The following SPIDR variants were observed in gnomAD, a reference collection of about 807,000 sequenced individuals.
SPIDR encodes scaffold protein involved in DNA repair, also known as DNA repair-scaffolding protein.
SPIDR carries 93 observed loss-of-function variants against 104.6 expected under a neutral mutation model. That is an observed-to-expected ratio of 0.89 (90% CI 0.75 to 1.06). The LOEUF (loss-of-function observed/expected upper bound fraction) is 1.06, where lower values mean the gene tolerates loss of function less well. Among genes scored for constraint, SPIDR ranks in the 50% least tolerant of loss-of-function variants. The pLI is 0.00. For missense variants in SPIDR, 1,154 were observed against 1,111.2 expected (o/e 1.04, Z -0.55); for synonymous variants, 431 against 416.9 (o/e 1.03, Z -0.41).
intron 8 of SPIDR, among the ~76,000 whole-genome samples, chr8:47,492,071 G>A (rs1202318131): frequency 1.3e-5 from 2 of 151,664 alleles, no homozygotes; most frequent in East Asian, 3.9e-4. Context: ...AACCTGAAAA[G>A]AGAAGCCTGC....
chr8:47,718,129 C>T (rs1394797083), intron 16 of SPIDR, among the ~76,000 whole-genome samples: 1 of 152,204 alleles, frequency 6.6e-6, no homozygotes, highest in African/African-American at 2.4e-5. Flanking sequence ...TAGCCGGGAT[C>T]TGTGCTTTTA....
intron 8 of SPIDR, among the ~76,000 whole-genome samples, chr8:47,471,338 A>C (rs1459534335): frequency 5.3e-5 from 8 of 152,182 alleles, no homozygotes; most frequent in African/African-American, 9.6e-5. Context: ...AAAAAAAAAA[A>C]AAAACAGCCC....
At chr8:47,571,615 CATT>C (rs1297881620) in intron 8 of SPIDR, among the ~76,000 whole-genome samples, 1 of 152,032 alleles carries the variant, frequency 6.6e-6, no homozygotes, top group East Asian at 1.9e-4. Flanking sequence ...GCATAATTGC[CATT>C]ATTAAACATT....
chr8:47,576,804 C>G (rs2059181639), intron 8 of SPIDR, among the ~76,000 whole-genome samples: 2 of 152,142 alleles, frequency 1.3e-5, no homozygotes, highest in South Asian at 4.1e-4. Flanking sequence ...TTAAAATGCT[C>G]TAATATAAAT....
chr8:47,315,216 C>G (rs1365418671), intron 5 of SPIDR, among the ~76,000 whole-genome samples: 1 of 151,924 alleles, frequency 6.6e-6, no homozygotes, highest in Non-Finnish European at 1.5e-5. Context: ...GCCACCTTGA[C>G]CTAACTGACA....
At chr8:47,505,534 C>T (rs1430096185) in intron 8 of SPIDR, among the ~76,000 whole-genome samples, 1 of 152,198 alleles carries the variant, frequency 6.6e-6, no homozygotes, top group Non-Finnish European at 1.5e-5. Context: ...TGCCATCTGT[C>T]ACCCCTTTCT....
At chr8:47,457,819 G>C (rs1554710732) in intron 8 of SPIDR, among the ~76,000 whole-genome samples, 2 of 152,102 alleles carry the variant, frequency 1.3e-5, no homozygotes. Flanking sequence ...TGGCTTGCCA[G>C]TTTCCCCAGC....
chr8:47,273,921 A>G (rs2035840899), intron 1 of SPIDR, among the ~76,000 whole-genome samples: 1 of 152,154 alleles, frequency 6.6e-6, no homozygotes, highest in Non-Finnish European at 1.5e-5. Context: ...CTTGATCTCC[A>G]GCCTCCTCCT....
intron 10 of SPIDR, among the ~76,000 whole-genome samples, chr8:47,629,771 G>A: frequency 6.6e-6 from 1 of 152,178 alleles, no homozygotes; most frequent in Admixed American, 6.5e-5. Context: ...GAAACTTTAT[G>A]TATAAAAATC....
chr8:47,274,088 A>G (rs1240499883), intron 1 of SPIDR, among the ~76,000 whole-genome samples: 13 of 152,226 alleles, frequency 8.5e-5, no homozygotes, highest in South Asian at 2.1e-4. Flanking sequence ...GGAATTCTTT[A>G]TAAATAACAA....
At chr8:47,411,097 G>A (rs1443458144) in intron 7 of SPIDR, among the ~76,000 whole-genome samples, 2 of 152,112 alleles carry the variant, frequency 1.3e-5, no homozygotes, top group African/African-American at 4.8e-5. Flanking sequence ...CTTTGCTATT[G>A]TGAATAGTGC....
At chr8:47,321,960 A>T (rs1422351814) in intron 5 of SPIDR, among the ~76,000 whole-genome samples, 2 of 152,202 alleles carry the variant, frequency 1.3e-5, no homozygotes, top group Non-Finnish European at 2.9e-5. Flanking sequence ...TGGATTAAAG[A>T]CTTAAATGTT....
At chr8:47,408,797 A>G (rs1554669099) in intron 7 of SPIDR, among the ~76,000 whole-genome samples, 1 of 152,260 alleles carries the variant, frequency 6.6e-6, no homozygotes. Context: ...TTGCATTTCC[A>G]TATAGTAACA....
intron 8 of SPIDR, among the ~76,000 whole-genome samples, chr8:47,463,215 G>T (rs1283691587): frequency 2.0e-5 from 3 of 151,892 alleles, no homozygotes; most frequent in East Asian, 3.9e-4. Context: ...AAAAAAATTA[G>T]CTGGGCATGG....
At chr8:47,549,096 G>A (rs904283505) in intron 8 of SPIDR, among the ~76,000 whole-genome samples, 1 of 152,174 alleles carries the variant, frequency 6.6e-6, no homozygotes, top group Non-Finnish European at 1.5e-5. Context: ...CAAAGGACAT[G>A]AACTCATCCT....
intron 10 of SPIDR, among the ~76,000 whole-genome samples, chr8:47,658,439 A>T (rs553337071): frequency 1.3e-5 from 2 of 151,860 alleles, no homozygotes; most frequent in Non-Finnish European, 2.9e-5. Context: ...AAATAGTTCG[A>T]TATTCACCGG....
chr8:47,320,291 A>T (rs2046298991), intron 5 of SPIDR, among the ~76,000 whole-genome samples: 1 of 152,248 alleles, frequency 6.6e-6, no homozygotes, highest in African/African-American at 2.4e-5. Flanking sequence ...ACAGAAATAC[A>T]AACTACCATC....
At chr8:47,463,165 T>C (rs1235231352) in intron 8 of SPIDR, among the ~76,000 whole-genome samples, 1 of 152,016 alleles carries the variant, frequency 6.6e-6, no homozygotes, top group African/African-American at 2.4e-5. Context: ...AAGACCATCC[T>C]GGCTAACATG....
chr8:47,599,010 A>G lies in SPIDR; in HGVS notation c.1358A>G (p.Gln453Arg). ...AWTHGHKEAK[Q>R]RIPTSTPLRD... ...ACCCATGGGCACAAAGAAGCAAAAC[A>G]GCGCATCCCAACCAGCACTCCCCTG... The change falls in exon 10 of 20, where the codon CAG becomes CGG. Residue 453 changes from glutamine (Q) to arginine (R), a missense_variant. Transcript: ENST00000297423. 6.2e-7 allele frequency: 1 copy of G among 1,613,678 alleles called. No homozygotes were observed. The highest frequency in any genetic ancestry group is 8.5e-7 in the Non-Finnish European group (1 of 1,179,776).
Sources: gnomAD v4.1 joint callset for allele counts (sites outside exome capture counted in the v4.1 genomes callset) on GRCh38, gnomAD v4.1.1 for gene constraint, MANE v1.5 for transcripts, NCBI Gene and HGNC (gene_info 2026-07-23, HGNC 2026-07-21) for gene names.